Variants in CCNY observed in about 807,000 individuals in gnomAD.
CCNY encodes cyclin-Y.
A neutral mutation model predicts 42.8 loss-of-function variants in CCNY; 19 were observed. That is an observed-to-expected ratio of 0.44 (90% CI 0.31 to 0.65). The LOEUF is 0.65. CCNY is among the 30% of genes least tolerant of loss of function. CCNY has a pLI of 0.07. For missense variants in CCNY, 370 were observed against 437.3 expected, an observed-to-expected ratio of 0.85 and a Z score of 1.37; for synonymous variants, 165 against 162.7, an observed-to-expected ratio of 1.01 and a Z score of -0.11.
intron 3 of CCNY, among the ~76,000 whole-genome samples, chr10:35,329,094 G>GA (rs1305103967): frequency 2.6e-5 from 4 of 152,148 alleles, no homozygotes; most frequent in Non-Finnish European, 5.9e-5. Flanking sequence ...CATCGATAAG[G>GA]AAACAATTAT....
At chr10:35,482,752 GT>G (rs1564428880) in intron 1 of CCNY, among the ~76,000 whole-genome samples, 1 of 43,656 alleles carries the variant, frequency 2.3e-5, no homozygotes, top group Non-Finnish European at 4.0e-5. Context: ...GGAAATAGGT[GT>G]GTGTGTGTGT....
chr10:35,330,701 C>G (rs1391142974), intron 3 of CCNY, among the ~76,000 whole-genome samples: 1 of 152,042 alleles, frequency 6.6e-6, no homozygotes, highest in Non-Finnish European at 1.5e-5. Flanking sequence ...AAACTGGATG[C>G]TAGAATTCCA....
intron 1 of CCNY, among the ~76,000 whole-genome samples, chr10:35,371,753 G>A (rs1836942026): frequency 6.6e-6 from 1 of 152,208 alleles, no homozygotes; most frequent in Non-Finnish European, 1.5e-5. Context: ...ACGGGGAGAA[G>A]CGAAAACCAA....
At chr10:35,499,696 C>G (rs1389189452) in intron 2 of CCNY, among the ~76,000 whole-genome samples, 1 of 152,132 alleles carries the variant, frequency 6.6e-6, no homozygotes, top group Non-Finnish European at 1.5e-5. Flanking sequence ...GTGGTTCCCA[C>G]AGTTGGGAGA....
chr10:35,512,570 T>TA (rs915110725), intron 3 of CCNY, among the ~76,000 whole-genome samples: 1 of 152,084 alleles, frequency 6.6e-6, no homozygotes, highest in African/African-American at 2.4e-5. Context: ...ATAGCGGACT[T>TA]AGAGTTTTTT....
At chr10:35,363,546 T>C (rs1199703934) in intron 1 of CCNY, among the ~76,000 whole-genome samples, 1 of 152,182 alleles carries the variant, frequency 6.6e-6, no homozygotes, top group Non-Finnish European at 1.5e-5. Context: ...AAGATTAATA[T>C]GCTGGAGATG....
chr10:35,252,734 G>C (rs546565022), intron 3 of CCNY, among the ~76,000 whole-genome samples: 1 of 152,036 alleles, frequency 6.6e-6, no homozygotes, highest in East Asian at 1.9e-4. Context: ...TAAATAAAGC[G>C]GCTTGATATT....
intron 1 of CCNY, among the ~76,000 whole-genome samples, chr10:35,465,705 C>G (rs1839244858): frequency 6.6e-6 from 1 of 152,112 alleles, no homozygotes; most frequent in African/African-American, 2.4e-5. Context: ...TTGGCCTGTC[C>G]TCTTCCTTCT....
chr10:35,476,587 C>T (rs1449776962), intron 1 of CCNY, among the ~76,000 whole-genome samples: 17 of 151,298 alleles, frequency 1.1e-4, no homozygotes, highest in South Asian at 2.1e-4. Flanking sequence ...TTGAAACCAA[C>T]GAGAACAAAG....
chr10:35,321,107 C>CT (rs1284606197), intron 3 of CCNY: 6 of 128,956 alleles, frequency 4.7e-5, no homozygotes, highest in Non-Finnish European at 8.2e-5. Context: ...CAGAGTGAGG[C>CT]TTTGTCTAAA....
chr10:35,539,159 A>G (rs975552239), intron 7 of CCNY, among the ~76,000 whole-genome samples: 4 of 152,178 alleles, frequency 2.6e-5, no homozygotes, highest in Admixed American at 6.5e-5. Context: ...CTTGATTACC[A>G]TAGATTTGAA....
intron 1 of CCNY, among the ~76,000 whole-genome samples, chr10:35,451,227 C>A (rs1174041987): frequency 6.6e-6 from 1 of 152,136 alleles, no homozygotes; most frequent in South Asian, 2.1e-4. Context: ...CCCACTTCTT[C>A]CCCCTTTTTT....
At chr10:35,511,233 G>T (rs1007529116) in intron 3 of CCNY, among the ~76,000 whole-genome samples, 2 of 152,166 alleles carry the variant, frequency 1.3e-5, no homozygotes, top group African/African-American at 4.8e-5. Flanking sequence ...TCCCGGGATG[G>T]AGCTGTTCTT....
chr10:35,569,000 C>A, intron 9 of CCNY, 54 bp from the exon 10 acceptor site: 1 of 1,172,578 alleles, frequency 8.5e-7, no homozygotes, highest in Non-Finnish European at 1.3e-6. Flanking sequence ...GACGAGTGAG[C>A]AATGGACGCA....
intron 1 of CCNY, among the ~76,000 whole-genome samples, chr10:35,373,499 T>C (rs775733833): frequency 4.6e-5 from 7 of 152,240 alleles, no homozygotes; most frequent in Non-Finnish European, 8.8e-5. Flanking sequence ...TGGGTCTATA[T>C]ATATAGTAAA....
intron 3 of CCNY, among the ~76,000 whole-genome samples, chr10:35,319,854 G>A (rs1448270467): frequency 6.6e-6 from 1 of 152,120 alleles, no homozygotes. Flanking sequence ...GGAGGTTGAG[G>A]CAGGAGAATT....
chr10:35,296,014 C>T (rs1170641729), intron 3 of CCNY, among the ~76,000 whole-genome samples: 7 of 152,148 alleles, frequency 4.6e-5, no homozygotes, highest in Non-Finnish European at 1.0e-4. Context: ...TCTCCAGGGA[C>T]ATAGCTAAGG....
At chr10:35,332,577 A>C (rs755508126), upstream of CCNY, 4 of 152,248 alleles carry the variant, frequency 2.6e-5, no homozygotes, top group Non-Finnish European at 4.4e-5. Flanking sequence ...TTGCTAAAAA[A>C]GTGTCAAGAG....
chr10:35,535,644 G>A (rs182457542), intron 7 of CCNY, among the ~76,000 whole-genome samples: 7 of 152,292 alleles, frequency 4.6e-5, no homozygotes, highest in Admixed American at 3.9e-4. Context: ...AATGTGGTTA[G>A]GCCTGTGATG....
Sources: gnomAD v4.1 joint callset for allele counts (sites outside exome capture counted in the v4.1 genomes callset) on GRCh38, gnomAD v4.1.1 for gene constraint, MANE v1.5 for transcripts, NCBI Gene and HGNC (gene_info 2026-07-23, HGNC 2026-07-21) for gene names.